ST6GALNAC3: variants seen among roughly 807,000 people sequenced by gnomAD.
ST6GALNAC3 encodes the protein alpha-N-acetylgalactosaminide alpha-2,6-sialyltransferase 3.
Under a neutral mutation model 32.7 loss-of-function variants are expected in ST6GALNAC3, and 25 were observed. That is an observed-to-expected ratio of 0.76 (90% CI 0.56 to 1.07). The LOEUF is 1.07. Among genes scored for constraint, ST6GALNAC3 ranks in the 50% least tolerant of loss-of-function variants. The probability of loss-of-function intolerance (pLI) is 0.00; values close to 1 mark genes in which losing one functional copy is unlikely to be tolerated. For synonymous variants in ST6GALNAC3, 129 were observed against 133.1 expected (o/e 0.97, Z 0.21); for missense variants, 355 against 382.4 (o/e 0.93, Z 0.60).
chr1:76,404,962 C>A (rs1416778185), intron 2 of ST6GALNAC3, among the ~76,000 whole-genome samples: 1 of 152,012 alleles, frequency 6.6e-6, no homozygotes, highest in African/African-American at 2.4e-5. Context: ...CATTGAAGTT[C>A]TTGTTTTTAC....
intron 1 of ST6GALNAC3, among the ~76,000 whole-genome samples, chr1:76,214,820 G>A (rs574926400): frequency 1.3e-5 from 2 of 152,276 alleles, no homozygotes; most frequent in African/African-American, 4.8e-5. Flanking sequence ...TGGGTGAGTT[G>A]CCAATGAGTT....
intron 1 of ST6GALNAC3, among the ~76,000 whole-genome samples, chr1:76,286,644 T>C (rs900142431): frequency 2.0e-5 from 3 of 152,256 alleles, no homozygotes; most frequent in Middle Eastern, 3.2e-3. Context: ...CCATGACTTG[T>C]TGCTTTTATT....
At chr1:76,530,361 A>C (rs1179939957) in intron 3 of ST6GALNAC3, among the ~76,000 whole-genome samples, 1 of 152,192 alleles carries the variant, frequency 6.6e-6, no homozygotes, top group Non-Finnish European at 1.5e-5. Context: ...CATACTAAGT[A>C]AGGATTTGAT....
At chr1:76,558,590 C>A (rs1204751529) in intron 3 of ST6GALNAC3, among the ~76,000 whole-genome samples, 1 of 151,950 alleles carries the variant, frequency 6.6e-6, no homozygotes, top group African/African-American at 2.4e-5. Flanking sequence ...GCACTGGGGA[C>A]CCCTAGAGTA....
chr1:76,226,361 A>T (rs1570499415), intron 1 of ST6GALNAC3, among the ~76,000 whole-genome samples: 1 of 152,184 alleles, frequency 6.6e-6, no homozygotes, highest in African/African-American at 2.4e-5. Context: ...GGGAGCCTTC[A>T]TGGCTTCCTT....
At chr1:76,438,435 G>A (rs979595575) in intron 3 of ST6GALNAC3, among the ~76,000 whole-genome samples, 8 of 152,048 alleles carry the variant, frequency 5.3e-5, no homozygotes, top group African/African-American at 1.9e-4. Context: ...CACCCCGCCT[G>A]GCCCATATTC....
chr1:76,113,567 C>T (rs1329632659), intron 1 of ST6GALNAC3, among the ~76,000 whole-genome samples: 2 of 149,904 alleles, frequency 1.3e-5, no homozygotes, highest in African/African-American at 4.9e-5. Flanking sequence ...TGTGAATGTT[C>T]TTATGTACTG....
At position 76,143,185 on chromosome 1, in the gene ST6GALNAC3, A is replaced by T. The variant is rs554329163; in HGVS notation, c.18+68301A>T. On this transcript the variant is annotated intron_variant, in intron 1 of 4. Coordinates refer to ENST00000328299, the MANE Select transcript of ST6GALNAC3 (RefSeq NM_152996.4). ...GGATCTTGGCAGTAAAGGGTTTAAAACTAACTTTGGATTTATTTAAAAAGT... is the reference window on the plus strand; with the variant it reads ...GGATCTTGGCAGTAAAGGGTTTAAATCTAACTTTGGATTTATTTAAAAAGT... Among the ~76,000 whole-genome samples the T allele has an allele frequency of 2.3e-3, 344 of 152,276 alleles. 3 individuals carry two copies. Among genetic ancestry groups the T allele is most frequent in the African/African-American group, 7.9e-3 (330 of 41,574 alleles).
intron 3 of ST6GALNAC3, among the ~76,000 whole-genome samples, chr1:76,526,963 G>A (rs376200658): frequency 6.6e-6 from 1 of 152,006 alleles, no homozygotes; most frequent in East Asian, 1.9e-4. Context: ...GAACTCATGG[G>A]GTTGAGAGGA....
intron 2 of ST6GALNAC3, among the ~76,000 whole-genome samples, chr1:76,344,140 T>A (rs908546541): frequency 2.0e-5 from 3 of 152,248 alleles, no homozygotes; most frequent in African/African-American, 4.8e-5. Context: ...GCTAGAGTTA[T>A]GACTGACAGG....
intron 2 of ST6GALNAC3, among the ~76,000 whole-genome samples, chr1:76,346,742 G>T (rs920821643): frequency 6.6e-6 from 1 of 152,096 alleles, no homozygotes. Flanking sequence ...TGAGCACCCA[G>T]TTCCTTCTAC....
At chr1:76,608,204 C>T (rs1215742230) in intron 3 of ST6GALNAC3, among the ~76,000 whole-genome samples, 1 of 152,054 alleles carries the variant, frequency 6.6e-6, no homozygotes, top group Non-Finnish European at 1.5e-5. Flanking sequence ...AACAGTCACA[C>T]ATAAAATAAA....
At chr1:76,389,012 C>CTTTTTTTTTTTTTT (rs371619828) in intron 2 of ST6GALNAC3, among the ~76,000 whole-genome samples, 2 of 127,362 alleles carry the variant, frequency 1.6e-5, no homozygotes, top group Admixed American at 8.6e-5. Flanking sequence ...GGTATATTTC[C>CTTTTTTTTTTTTTT]TTTTTTTTTT....
chr1:76,114,930 A>AG (rs1414225202), intron 1 of ST6GALNAC3, among the ~76,000 whole-genome samples: 3 of 151,728 alleles, frequency 2.0e-5, no homozygotes, highest in Non-Finnish European at 4.4e-5. Flanking sequence ...AAAAAAAAAA[A>AG]AAAAGAAAAA....
intron 3 of ST6GALNAC3, among the ~76,000 whole-genome samples, chr1:76,568,940 G>GA (rs1308379876): frequency 2.0e-5 from 3 of 152,008 alleles, no homozygotes; most frequent in Admixed American, 2.0e-4. Context: ...GGGGAAAATT[G>GA]AGAAGAATAA....
chr1:76,453,036 A>G (rs1180695471), intron 3 of ST6GALNAC3, among the ~76,000 whole-genome samples: 2 of 152,070 alleles, frequency 1.3e-5, no homozygotes, highest in African/African-American at 4.8e-5. Context: ...GAATTTATCC[A>G]TCTCCTCTAG....
chr1:76,452,929 A>G (rs1322669982), intron 3 of ST6GALNAC3, among the ~76,000 whole-genome samples: 3 of 152,038 alleles, frequency 2.0e-5, no homozygotes, highest in Non-Finnish European at 4.4e-5. Flanking sequence ...TTTGTTGACA[A>G]TTGTTTGATT....
chr1:76,568,934 A>C (rs1453518600), intron 3 of ST6GALNAC3, among the ~76,000 whole-genome samples: 1 of 151,960 alleles, frequency 6.6e-6, no homozygotes, highest in African/African-American at 2.4e-5. Context: ...AACCTAGGGG[A>C]AAATTGAGAA....
chr1:76,522,087 A>T (rs1261078901), intron 3 of ST6GALNAC3, among the ~76,000 whole-genome samples: 1 of 3,842 alleles, frequency 2.6e-4, no homozygotes, highest in Non-Finnish European at 9.4e-4. Context: ...TCCATTTCTA[A>T]AAAAAAAAAA....
Sources: gnomAD v4.1 joint callset for allele counts (sites outside exome capture counted in the v4.1 genomes callset) on GRCh38, gnomAD v4.1.1 for gene constraint, MANE v1.5 for transcripts, NCBI Gene and HGNC (gene_info 2026-07-23, HGNC 2026-07-21) for gene names.